The following FCHO2 variants were observed in gnomAD, a reference collection of about 807,000 sequenced individuals.
FCHO2 encodes F-BAR domain only protein 2.
FCHO2 carries 43 observed loss-of-function variants against 114.1 expected under a neutral mutation model. The ratio of observed to expected loss-of-function variants is 0.38; its 90% confidence interval spans 0.30 to 0.49. The LOEUF (loss-of-function observed/expected upper bound fraction) is 0.49, where lower values mean the gene tolerates loss of function less well. Ranked by LOEUF, FCHO2 falls within the 20% of genes least tolerant of loss-of-function variation. FCHO2 has a pLI of 0.97. For missense variants in FCHO2, 807 were observed against 950.4 expected (o/e 0.85, Z 1.98); for synonymous variants, 293 against 315.2 (o/e 0.93, Z 0.75).
chr5:72,984,115 A>G (rs932401484), intron 2 of FCHO2, among the ~76,000 whole-genome samples: 2 of 152,020 alleles, frequency 1.3e-5, no homozygotes, highest in East Asian at 3.9e-4. Flanking sequence ...CTTAATTTGC[A>G]TTTCTCTGGT....
intron 8 of FCHO2, among the ~76,000 whole-genome samples, chr5:73,017,957 C>T (rs1264445373): frequency 1.3e-5 from 2 of 152,122 alleles, no homozygotes; most frequent in African/African-American, 4.8e-5. Context: ...ATAAGTACCC[C>T]ATTCCCTTCC....
intron 8 of FCHO2, among the ~76,000 whole-genome samples, chr5:73,031,321 T>C (rs1405805333): frequency 6.6e-6 from 1 of 152,152 alleles, no homozygotes; most frequent in Non-Finnish European, 1.5e-5. Flanking sequence ...TGTCTGAGAG[T>C]GTTTGTGTTT....
At chr5:72,956,490 G>C (rs971876836) in intron 1 of FCHO2, among the ~76,000 whole-genome samples, 2 of 151,784 alleles carry the variant, frequency 1.3e-5, no homozygotes, top group African/African-American at 4.8e-5. Context: ...CGCGAAGGAC[G>C]GGCCCGCGGC....
chr5:73,014,258 T>C lies in FCHO2; in HGVS notation c.601-1368T>C, dbSNP rs542063917. On this transcript the variant is annotated intron_variant, in intron 6 of 25. Coordinates refer to ENST00000430046, the MANE Select transcript of FCHO2 (RefSeq NM_138782.3). ...TGACAGCCATCTCTTTTGGGGATTG[T>C]ATATTATTATTTCTTTTTTCTTTTT... is the stretch of plus-strand genomic sequence containing the variant. Among the ~76,000 whole-genome samples, 362 of 151,992 alleles carry C rather than the reference T, an allele frequency of 2.4e-3. 1 individual carries two copies. Among genetic ancestry groups the C allele is most frequent in the Non-Finnish European group, 4.0e-3 (274 of 67,960 alleles).
intron 17 of FCHO2, among the ~76,000 whole-genome samples, chr5:73,059,343 C>T (rs1307503958): frequency 1.3e-5 from 2 of 152,092 alleles, no homozygotes; most frequent in East Asian, 3.9e-4. Context: ...ACCACATTAA[C>T]AGCAGCATGA....
At chr5:73,062,661 G>C (rs971092527) in intron 17 of FCHO2, among the ~76,000 whole-genome samples, 1 of 151,914 alleles carries the variant, frequency 6.6e-6, no homozygotes, top group Non-Finnish European at 1.5e-5. Flanking sequence ...CCTGAACAGC[G>C]TTTGCATCTT....
intron 24 of FCHO2, among the ~76,000 whole-genome samples, chr5:73,087,206 C>A (rs1191438729): frequency 1.3e-5 from 2 of 152,182 alleles, no homozygotes; most frequent in African/African-American, 4.8e-5. Flanking sequence ...ACCTTTCCAT[C>A]TTTACTTCTT....
chr5:72,997,243 G>A (rs1754167957), intron 5 of FCHO2: 1 of 1,148,870 alleles, frequency 8.7e-7, no homozygotes, highest in African/African-American at 1.5e-5. Flanking sequence ...TACATTAGAG[G>A]CCCCATGTGG....
At chr5:72,995,311 A>G (rs1279207956) in intron 5 of FCHO2, among the ~76,000 whole-genome samples, 2 of 151,294 alleles carry the variant, frequency 1.3e-5, no homozygotes, top group East Asian at 3.9e-4. Flanking sequence ...GCTAGGGTGC[A>G]GTAGCCGCAT....
rs1270906552 is a variant in FCHO2 at position 73,082,931 on chromosome 5, T to TA, written c.2245+108dup. 3.3e-6 allele frequency: 3 copies of TA among 921,496 alleles called. No homozygotes were observed. In the African/African-American group the frequency reaches 5.1e-5, roughly 16 times the overall value. The allele number at this position is 921,496 out of a possible 1,614,324, so 57.1% of individuals were successfully genotyped here. A position where few individuals can be genotyped will look rare whatever the true frequency, so the allele number is the denominator to read the frequency against. On this transcript the variant is annotated intron_variant, in intron 24 of 25. Transcript: ENST00000430046. ...GCTTTGTTGCCAGGCTGGAGTGCAG[T>TA]AACACAATCTCAGCTCACTGCAACC...
chr5:73,057,057 T>C (rs937389551), intron 16 of FCHO2, among the ~76,000 whole-genome samples: 2 of 151,972 alleles, frequency 1.3e-5, no homozygotes, highest in Admixed American at 1.3e-4. Flanking sequence ...CGTCCCAGGC[T>C]CAAATGATCC....
At chr5:73,027,003 T>C (rs1755967471) in intron 8 of FCHO2, among the ~76,000 whole-genome samples, 1 of 148,748 alleles carries the variant, frequency 6.7e-6, no homozygotes, top group Admixed American at 6.7e-5. Context: ...GTCATTGTTT[T>C]TTTTTTGTTT....
At chr5:72,990,321 G>A (rs376056480) in intron 3 of FCHO2, among the ~76,000 whole-genome samples, 157 bp from the exon 4 acceptor site, 8 of 151,998 alleles carry the variant, frequency 5.3e-5, no homozygotes, top group African/African-American at 1.9e-4. Flanking sequence ...AAAATTCAAG[G>A]TCAGTCTGTC....
At chr5:73,072,546 T>C (rs1742706939) in intron 19 of FCHO2, among the ~76,000 whole-genome samples, 1 of 152,126 alleles carries the variant, frequency 6.6e-6, no homozygotes, top group South Asian at 2.1e-4. Context: ...ATGTGGTATA[T>C]GCATACAATA....
chr5:72,960,666 A>G (rs1475335438), intron 1 of FCHO2, among the ~76,000 whole-genome samples: 1 of 152,206 alleles, frequency 6.6e-6, no homozygotes, highest in African/African-American at 2.4e-5. Context: ...GATTATAACA[A>G]CATTGCTATG....
At chr5:73,054,314 A>G in intron 14 of FCHO2, 143 bp downstream of exon 14, 5 of 883,466 alleles carry the variant, frequency 5.7e-6, no homozygotes, top group Non-Finnish European at 8.5e-6. Flanking sequence ...AATATTTTAA[A>G]AACATTAGGT....
chr5:73,051,546 TTTG>T (rs1170687144), intron 12 of FCHO2, 140 bp downstream of exon 12: 16 of 604,704 alleles, frequency 2.6e-5, no homozygotes, highest in East Asian at 3.4e-5. Context: ...TGACATGTTT[TTTG>T]TTGTTGTTGT....
intron 19 of FCHO2, among the ~76,000 whole-genome samples, chr5:73,069,952 C>T (rs1742555279): frequency 6.6e-6 from 1 of 152,114 alleles, no homozygotes; most frequent in Non-Finnish European, 1.5e-5. Context: ...CGTATTGCTG[C>T]TGGTTTAAGT....
chr5:72,960,862 C>T lies in FCHO2; in HGVS notation c.33+4733C>T, dbSNP rs529235633. ...CTATATACGATATGAAGCATTCACC[C>T]AAAGACACTAAGTAGTATTCTTTAG... On this transcript the variant is annotated intron_variant, in intron 1 of 25. Coordinates refer to ENST00000430046, the MANE Select transcript of FCHO2 (RefSeq NM_138782.3). Among the ~76,000 whole-genome samples, 6 of 152,156 alleles carry T rather than the reference C, an allele frequency of 3.9e-5. No individual in the cohort carries two copies. The South Asian group carries it at 1.2e-3, about 32-fold the overall frequency.
Sources: allele counts gnomAD v4.1 joint callset (sites outside exome capture counted in the v4.1 genomes callset), GRCh38; gene constraint gnomAD v4.1.1; transcripts MANE v1.5; gene names NCBI Gene and HGNC (gene_info 2026-07-23, HGNC 2026-07-21).